Variants in ATG4A observed in about 807,000 individuals in gnomAD.
The protein encoded by ATG4A is autophagy related 4A cysteine peptidase.
A neutral mutation model predicts 38.4 loss-of-function variants in ATG4A; 22 were observed. The ratio of observed to expected loss-of-function variants is 0.57; its 90% CI spans 0.41 to 0.82. The LOEUF is 0.82. Ranked by LOEUF, ATG4A falls within the 40% of genes least tolerant of loss-of-function variation. The pLI is 0.00. For synonymous variants in ATG4A, 86 were observed against 100.7 expected, an observed-to-expected ratio of 0.85 and a Z score of 0.88; for missense variants, 220 against 290.0, an observed-to-expected ratio of 0.76 and a Z score of 1.75.
rs2033599329 is a variant in ATG4A, at chrX:108,151,958, C to T, written c.1017+100C>T. Reference sequence around the variant, plus strand: ...AGTAAAAAAAAATCCTACTCTGATACGACTTTACTGCAAGAGAAAGAAACT... The same window carrying T: ...AGTAAAAAAAAATCCTACTCTGATATGACTTTACTGCAAGAGAAAGAAACT... On this transcript the variant is annotated intron_variant, in intron 11 of 12. Transcript: ENST00000372232. 13 of 744,720 alleles carry T rather than the reference C, an allele frequency of 1.7e-5. No homozygotes were observed. The South Asian group carries it at 3.8e-4, about 22-fold the overall frequency. 61.4% of individuals were successfully genotyped at this position (744,720 alleles called of 1,213,427 possible). A position where few individuals can be genotyped will look rare whatever the true frequency, so the allele number is the denominator to read the frequency against.
chrX:108,117,725 G>T (rs1427578391), intron 1 of ATG4A, among the ~76,000 whole-genome samples: 3 of 112,096 alleles, frequency 2.7e-5, no homozygotes, highest in Non-Finnish European at 5.6e-5. Context: ...ACAGCAGAGA[G>T]ATCCTGTAAC....
intron 1 of ATG4A, among the ~76,000 whole-genome samples, chrX:108,124,462 T>C (rs1224463252): frequency 1.8e-5 from 2 of 109,812 alleles, no homozygotes; most frequent in African/African-American, 6.6e-5. Flanking sequence ...TTTTTTTTTC[T>C]TTTTTTTTGA....
At chrX:108,134,878 A>G (rs1307530612) in intron 6 of ATG4A, among the ~76,000 whole-genome samples, 1 of 112,040 alleles carries the variant, frequency 8.9e-6, no homozygotes, top group African/African-American at 3.2e-5. Context: ...GGGGGTGCAG[A>G]AATAAACTTG....
intron 6 of ATG4A, among the ~76,000 whole-genome samples, chrX:108,136,061 C>T (rs2033099193): frequency 9.0e-6 from 1 of 111,351 alleles, no homozygotes. Context: ...GGATTACAGG[C>T]GTGAGCCACC....
intron 1 of ATG4A, among the ~76,000 whole-genome samples, chrX:108,107,719 G>T (rs909933598): frequency 9.0e-6 from 1 of 111,510 alleles, no homozygotes; most frequent in South Asian, 3.8e-4. Flanking sequence ...GGGAGTCAAG[G>T]TTCCTCACTC....
chrX:108,151,815 A>G lies in ATG4A; in HGVS notation c.974A>G (p.Lys325Arg). The change falls in exon 11 of 13, where the codon AAA becomes AGA. Residue 325 changes from lysine (K) to arginine (R), a missense_variant. Coordinates refer to ENST00000372232, the MANE Select transcript of ATG4A (RefSeq NM_052936.5). ...DPSVALGFFC[K>R]EEKDFDNWCS... ...CTTTCCCCCAAGGGATTTTTCTGCAAAGAAGAAAAAGACTTTGATAACTGG... is the reference window on the plus strand; with the variant it reads ...CTTTCCCCCAAGGGATTTTTCTGCAGAGAAGAAAAAGACTTTGATAACTGG... The G allele has an allele frequency of 8.3e-7, 1 of 1,209,000 alleles. No homozygotes were observed. The highest frequency in any genetic ancestry group is 1.1e-6 in the Non-Finnish European group (1 of 893,346).
At chrX:108,149,897 A>G (rs2033540884) in intron 9 of ATG4A, 2 of 325,240 alleles carry the variant, frequency 6.1e-6, no homozygotes, top group Admixed American at 5.0e-5. Flanking sequence ...CATTTTCTCA[A>G]ACCTGTCACT....
intron 1 of ATG4A, 28 bp downstream of exon 1, chrX:108,091,864 G>C (rs367763534): frequency 5.8e-6 from 7 of 1,208,745 alleles, no homozygotes; most frequent in Non-Finnish European, 6.7e-6. Context: ...GAGTGGAACC[G>C]TGTGAAAGAG....
intron 1 of ATG4A, 53 bp from the exon 2 acceptor site, chrX:108,126,024 C>T (rs1388224313): frequency 1.2e-6 from 1 of 853,709 alleles, no homozygotes; most frequent in African/African-American, 2.0e-5. Flanking sequence ...CAGTCAACCA[C>T]AAAGATAAGC....
At chrX:108,103,787 C>T in intron 1 of ATG4A, among the ~76,000 whole-genome samples, 1 of 112,384 alleles carries the variant, frequency 8.9e-6, no homozygotes, top group East Asian at 2.8e-4. Context: ...TTTATGTTAT[C>T]GATGTCACAA....
chrX:108,111,836 C>T (rs1357628941), intron 1 of ATG4A, among the ~76,000 whole-genome samples: 1 of 111,330 alleles, frequency 9.0e-6, no homozygotes, highest in African/African-American at 3.3e-5. Flanking sequence ...TTTAAACATT[C>T]TTAAGCAATT....
intron 1 of ATG4A, among the ~76,000 whole-genome samples, chrX:108,115,036 A>C (rs1190487678): frequency 9.0e-6 from 1 of 110,897 alleles, no homozygotes; most frequent in Non-Finnish European, 1.9e-5. Flanking sequence ...AAATCTAATA[A>C]ATTAGCCTTA....
intron 1 of ATG4A, among the ~76,000 whole-genome samples, chrX:108,102,777 G>A (rs2032052002): frequency 9.3e-6 from 1 of 107,173 alleles, no homozygotes; most frequent in African/African-American, 3.6e-5. Flanking sequence ...AGTTTTACTA[G>A]CACCATTTTT....
intron 3 of ATG4A, among the ~76,000 whole-genome samples, chrX:108,130,650 C>T (rs2032930087): frequency 8.9e-6 from 1 of 111,911 alleles, no homozygotes; most frequent in South Asian, 3.8e-4. Flanking sequence ...TACTATTATG[C>T]TCAGCCTATA....
At chrX:108,141,661 C>T (rs1020552978) in intron 9 of ATG4A, among the ~76,000 whole-genome samples, 19 of 111,063 alleles carry the variant, frequency 1.7e-4, no homozygotes, top group Non-Finnish European at 3.2e-4. Flanking sequence ...GATGTTGGTT[C>T]CTTGCACTTG....
At chrX:108,140,935 T>TATATAC in intron 9 of ATG4A, among the ~76,000 whole-genome samples, 1 of 65,841 alleles carries the variant, frequency 1.5e-5, no homozygotes, top group African/African-American at 5.4e-5. Flanking sequence ...TACATATATA[T>TATATAC]ACATATATAT....
chrX:108,107,853 G>A (rs1051665614), intron 1 of ATG4A, among the ~76,000 whole-genome samples: 1 of 111,169 alleles, frequency 9.0e-6, no homozygotes, highest in Non-Finnish European at 1.9e-5. Context: ...CCATTGACAG[G>A]CCTCTACAAC....
chrX:108,125,969 A>T (rs2032786876), intron 1 of ATG4A, 108 bp from the exon 2 acceptor site: 1 of 464,177 alleles, frequency 2.2e-6, no homozygotes, highest in African/African-American at 2.4e-5. Context: ...TGTTTCCATT[A>T]GATTCAAGCT....
At chrX:108,142,480 T>C (rs1400873294) in intron 9 of ATG4A, among the ~76,000 whole-genome samples, 1 of 109,315 alleles carries the variant, frequency 9.1e-6, no homozygotes, top group East Asian at 2.9e-4. Flanking sequence ...AATATATATA[T>C]GTGTGTGTGT....
Sources: allele counts gnomAD v4.1 joint callset (sites outside exome capture counted in the v4.1 genomes callset), GRCh38; gene constraint gnomAD v4.1.1; transcripts MANE v1.5; gene names NCBI Gene and HGNC (gene_info 2026-07-23, HGNC 2026-07-21).